Variants in SLX4 observed in about 807,000 individuals in gnomAD.
The protein encoded by SLX4 is SLX4 structure-specific endonuclease subunit, also known as structure-specific endonuclease subunit SLX4.
In SLX4, 112 loss-of-function variants were observed where a neutral mutation model predicts 146.2. The ratio of observed to expected loss-of-function variants is 0.77; its 90% confidence interval spans 0.66 to 0.90. The LOEUF (loss-of-function observed/expected upper bound fraction) is 0.90, where lower values mean the gene tolerates loss of function less well. SLX4 is among the 40% of genes least tolerant of loss of function. The pLI, the probability that SLX4 is intolerant of heterozygous loss-of-function variation, is 0.00. For synonymous variants in SLX4, 1,061 were observed against 997.7 expected, an observed-to-expected ratio of 1.06 and a Z score of -1.20; for missense variants, 2,563 against 2,392.7, an observed-to-expected ratio of 1.07 and a Z score of -1.49.
rs2151121672 is a variant in SLX4, at chr16:3,589,364, T to C, written c.4274A>G (p.Asp1425Gly). The change falls in exon 12 of 15, where the codon GAC (aspartate) becomes GGC (glycine). Residue 1425 changes from aspartate (D) to glycine (G), a missense_variant. Coordinates refer to ENST00000294008, the MANE Select transcript of SLX4 (RefSeq NM_032444.4). The surrounding 1 kb of genome is among the most constrained non-coding windows in gnomAD (Gnocchi z 6.2). ...GAGGGGCTCCATGTGCCAGCAGCAG[T>C]CGTCAATTGGAATTGGGGGGTCACT... ...LDSDPPIPID[D>G]CCWHMEPLSP... 1.3e-6 allele frequency: 2 copies of C among 1,585,788 alleles called. No individual in the cohort carries two copies. The highest frequency in any genetic ancestry group is 1.7e-6 in the Non-Finnish European group (2 of 1,162,984).
chr16:3,584,905 T>A (rs1301770040), intron 12 of SLX4, 34 bp from the exon 13 acceptor site: 1 of 1,445,866 alleles, frequency 6.9e-7, no homozygotes, highest in Admixed American at 1.7e-5. Flanking sequence ...CGTTTTAGCA[T>A]GAGGGACACG....
rs1261615541 is a variant in SLX4 at position 3,589,104 on chromosome 16, C to T, written c.4534G>A (p.Asp1512Asn). ...CTCTGCTCTTCCCCGTCCCAAACGTCCCACAGAGCCGAATTCAGAAAGCTC... is the reference window on the plus strand; with the variant it reads ...CTCTGCTCTTCCCCGTCCCAAACGTTCCACAGAGCCGAATTCAGAAAGCTC... The part of the protein sequence containing the change: ...RPSFLNSALW[D>N]VWDGEEQRPP... The change falls in exon 12 of 15, where the codon GAC becomes AAC. Residue 1512 changes from aspartate (D) to asparagine (N), a missense_variant. By Grantham distance (23) the Asp-to-Asn change is conservative. Transcript: ENST00000294008. This position sits in a 1 kb window ranked among gnomAD's most constrained non-coding sequence, Gnocchi z 6.2. 10 of 1,614,178 alleles carry T rather than the reference C, an allele frequency of 6.2e-6. No homozygotes were observed. The Admixed American group carries it at 6.7e-5, about 11-fold the overall frequency.
Position 3,597,644 on chromosome 16 carries a change from A to T in SLX4, c.1418T>A (p.Val473Asp). 1 of 1,613,968 alleles carries T rather than the reference A, an allele frequency of 6.2e-7. No individual in the cohort carries two copies. The highest frequency in any genetic ancestry group is 8.5e-7 in the Non-Finnish European group (1 of 1,179,978). ...TCGGCCTGTGGTTTCAGAGTCCTGG[A>T]CTAACAACAATGGGGGGGATACCGG... ...KPPVSPPLLL[V>D]QDSETTGRQI... The change falls in exon 7 of 15, where the codon GTC (valine) becomes GAC (aspartate). Residue 473 changes from valine to aspartate, a missense_variant. Coordinates refer to ENST00000294008, the MANE Select transcript of SLX4 (RefSeq NM_032444.4). The surrounding 1 kb of genome is among the most constrained non-coding windows in gnomAD (Gnocchi z 4.4).
In SLX4 at chr16:3,596,373, C is replaced by A; in HGVS notation, c.1704G>T (p.Val568=). ...RPAQGLMQEP[V]PPLVPPEHSE... ...AGTGCTCAGGTGGCACCAGAGGCGG[C>A]ACGGGCTCCTGCATAAGGCCCTGAA... Residue 568 remains valine, a synonymous_variant, in exon 8 of 15, where the codon GTG becomes GTT. Coordinates refer to ENST00000294008, the MANE Select transcript of SLX4 (RefSeq NM_032444.4). 1.9e-6 allele frequency: 3 copies of A among 1,596,730 alleles called. No individual in the cohort carries two copies. Among genetic ancestry groups the A allele is most frequent in the Non-Finnish European group, 2.6e-6 (3 of 1,170,756 alleles).
At position 3,597,684 on chromosome 16, in the gene SLX4, G is replaced by A. The variant is rs1160715108; in HGVS notation, c.1378C>T (p.Arg460Cys). ...GGGGATACCGGGGGTTTCTTCTTGC[G>A]ACTTTTATTCTCTAGAGAGAAACAA... ...RIRPEAENKS[R>C]KKKPPVSPPL... Residue 460 changes from arginine to cysteine, a missense_variant, in exon 7 of 15, where the codon CGC becomes TGC. Transcript: ENST00000294008. The surrounding 1 kb of genome is among the most constrained non-coding windows in gnomAD (Gnocchi z 4.4). The A allele has an allele frequency of 5.0e-6, 8 of 1,613,546 alleles. No homozygotes were observed. Among genetic ancestry groups the A allele is most frequent in the African/African-American group, 2.7e-5 (2 of 74,878 alleles).
chr16:3,595,024 C>A (rs553141436), intron 9 of SLX4, among the ~76,000 whole-genome samples: 11 of 152,312 alleles, frequency 7.2e-5, no homozygotes, highest in Non-Finnish European at 1.0e-4. Context: ...CGGGTCCAGT[C>A]TGTGATGATG....
chr16:3,594,694 G>A (rs2151128674), intron 9 of SLX4, 95 bp from the exon 10 acceptor site: 1 of 1,556,162 alleles, frequency 6.4e-7, no homozygotes, highest in Non-Finnish European at 8.8e-7. Flanking sequence ...GCGCTAGGGT[G>A]GGCCGGGAGC....
chr16:3,608,059 C>G (rs371887198), intron 2 of SLX4, among the ~76,000 whole-genome samples: 1 of 152,236 alleles, frequency 6.6e-6, no homozygotes. Context: ...GTGGCTTACG[C>G]CTGTAATCCC....
intron 3 of SLX4, among the ~76,000 whole-genome samples, chr16:3,603,831 G>A (rs1338226995): frequency 6.6e-6 from 1 of 152,236 alleles, no homozygotes; most frequent in African/African-American, 2.4e-5. Flanking sequence ...TCTACTCAGA[G>A]TGGGGCAACC....
intron 2 of SLX4, among the ~76,000 whole-genome samples, chr16:3,607,553 G>A (rs1343186172): frequency 6.6e-6 from 1 of 152,080 alleles, no homozygotes; most frequent in African/African-American, 2.4e-5. Context: ...GCACGGTGGT[G>A]GGTGCCTGTG....
intron 2 of SLX4, among the ~76,000 whole-genome samples, chr16:3,607,314 T>G (rs1567177784): frequency 6.6e-6 from 1 of 152,174 alleles, no homozygotes; most frequent in Admixed American, 6.6e-5. Flanking sequence ...TCCAGTAGTC[T>G]ATGCGACCTG....
In SLX4 at chr16:3,602,256, G is replaced by A. The variant is rs2151135010; in HGVS notation, c.812C>T (p.Thr271Ile). The A allele has an allele frequency of 2.5e-6, 4 of 1,614,150 alleles. No individual in the cohort carries two copies. The highest frequency in any genetic ancestry group is 3.4e-6 in the Non-Finnish European group (4 of 1,180,038). ...APESDAAVAL[T>I]LQQEFARVGA... ...TACCCGTGCAAACTCCTGCTGCAGG[G>A]TCAAGGCCACCGCAGCGTCGCTCTC... is the stretch of plus-strand genomic sequence containing the variant. The change falls in exon 4 of 15, where the codon ACC (threonine) becomes ATC (isoleucine). Residue 271 changes from threonine to isoleucine, a missense_variant. By Grantham distance (89) the Thr-to-Ile change is moderately conservative. Transcript: ENST00000294008.
chr16:3,589,309 C>G lies in SLX4; in HGVS notation c.4329G>C (p.Leu1443=). The change falls in exon 12 of 15, where the codon CTG becomes CTC. Residue 1443 remains leucine (L), a synonymous_variant. Coordinates refer to ENST00000294008, the MANE Select transcript of SLX4 (RefSeq NM_032444.4). This position sits in a 1 kb window ranked among gnomAD's most constrained non-coding sequence, Gnocchi z 6.2. ...TGGTGCTCAGGGGGCCGGTCCGCTCCAGGTTCCAGTGGTCAATGGGAATTG... is the reference window on the plus strand; with the variant it reads ...TGGTGCTCAGGGGGCCGGTCCGCTCGAGGTTCCAGTGGTCAATGGGAATTG... ...LSPIPIDHWN[L]ERTGPLSTSS... is the part of the protein sequence containing the mutation. The G allele has an allele frequency of 5.7e-6, 9 of 1,581,776 alleles. No individual in the cohort carries two copies. Among genetic ancestry groups the G allele is most frequent in the Non-Finnish European group, 7.7e-6 (9 of 1,163,008 alleles).
At chr16:3,599,227 C>T (rs541438394) in intron 5 of SLX4, among the ~76,000 whole-genome samples, 1 of 152,340 alleles carries the variant, frequency 6.6e-6, no homozygotes, top group Non-Finnish European at 1.5e-5. Flanking sequence ...CCTCTGCCCT[C>T]TGCCATCTCA....
In SLX4 at chr16:3,589,300, G is replaced by A. The variant is rs77718962; in HGVS notation, c.4338C>T (p.Thr1446=). The A allele has an allele frequency of 1.6e-3, 2,494 of 1,584,396 alleles. 34 individuals carry two copies. In the African/African-American group the frequency reaches 0.03, roughly 19 times the overall value. Residue 1446 remains threonine (T), a synonymous_variant, in exon 12 of 15, where the codon ACC becomes ACT. Transcript: ENST00000294008. This position sits in a 1 kb window ranked among gnomAD's most constrained non-coding sequence, Gnocchi z 6.2. ...TGGGGCTGCTGGTGCTCAGGGGGCC[G>A]GTCCGCTCCAGGTTCCAGTGGTCAA... The part of the protein sequence containing the change: ...IPIDHWNLER[T]GPLSTSSPSR...
At chr16:3,594,347 G>A (rs578140809) in intron 10 of SLX4, 106 bp downstream of exon 10, 3 of 1,451,412 alleles carry the variant, frequency 2.1e-6, no homozygotes, top group Admixed American at 2.0e-5. Context: ...AGGGAGAGTG[G>A]GGGGGTGGAA....
rs2040719850 is a variant in SLX4, at chr16:3,600,976, T to TA, written c.1163+2dup. On this transcript the variant is annotated splice_region_variant and intron_variant, in intron 5 of 14. Coordinates refer to ENST00000294008, the MANE Select transcript of SLX4 (RefSeq NM_032444.4). Reference sequence around the variant, plus strand: ...TTGGTTTTCTTCCTTTTCGTCGACTTACCTGAACATGGGTGGGCTGCTGCT... The same window carrying TA: ...TTGGTTTTCTTCCTTTTCGTCGACTTAACCTGAACATGGGTGGGCTGCTGCT... 6 of 1,613,360 alleles carry TA rather than the reference T, an allele frequency of 3.7e-6. No homozygotes were observed. The highest frequency in any genetic ancestry group is 5.1e-6 in the Non-Finnish European group (6 of 1,179,932).
chr16:3,608,377 C>A (rs2040809224), intron 2 of SLX4, 53 bp downstream of exon 2: 6 of 1,599,784 alleles, frequency 3.8e-6, no homozygotes, highest in Non-Finnish European at 5.1e-6. Context: ...TATTTACGAT[C>A]TGGCCCTTTC....
intron 1 of SLX4, among the ~76,000 whole-genome samples, 200 bp downstream of exon 1, chr16:3,611,360 C>G (rs1014469362): frequency 1.3e-5 from 2 of 152,270 alleles, no homozygotes; most frequent in African/African-American, 4.8e-5. Context: ...CTCCTCCCTC[C>G]AGGCGGGCCC....
Sources: allele counts gnomAD v4.1 joint callset (sites outside exome capture counted in the v4.1 genomes callset), GRCh38; gene constraint gnomAD v4.1.1; non-coding constraint Gnocchi (gnomAD v3.1); transcripts MANE v1.5; gene names NCBI Gene and HGNC (gene_info 2026-07-23, HGNC 2026-07-21).